Variants in CCDC171 observed in about 807,000 individuals in gnomAD.
The protein encoded by CCDC171 is coiled-coil domain-containing protein 171.
A neutral mutation model predicts 168.2 loss-of-function variants in CCDC171; 177 were observed. The observed-to-expected ratio is 1.05, with a 90% CI of 0.93 to 1.19. The LOEUF (loss-of-function observed/expected upper bound fraction) is 1.19, where lower values mean the gene tolerates loss of function less well. Ranked by LOEUF, CCDC171 falls within the 50% of genes most tolerant of loss-of-function variation. CCDC171 has a pLI of 0.00. For synonymous variants in CCDC171, 687 were observed against 540.8 expected (o/e 1.27, Z -3.75); for missense variants, 1,991 against 1,539.0 (o/e 1.29, Z -4.91).
At chr9:15,981,368 T>A (rs577925747) in intron 3 of CCDC171, among the ~76,000 whole-genome samples, 1 of 152,270 alleles carries the variant, frequency 6.6e-6, no homozygotes, top group Admixed American at 6.5e-5. Flanking sequence ...TAGGAAGGGA[T>A]CTCTTGTCAG....
upstream of CCDC171, among the ~76,000 whole-genome samples, chr9:16,039,966 G>A (rs573709727): frequency 2.0e-5 from 3 of 152,284 alleles, no homozygotes; most frequent in Admixed American, 2.0e-4. Flanking sequence ...CAGCATACAA[G>A]CTTATTTCTA....
chr9:15,889,621 C>G (rs1329458185), intron 24 of CCDC171, among the ~76,000 whole-genome samples: 1 of 152,164 alleles, frequency 6.6e-6, no homozygotes, highest in East Asian at 1.9e-4. Flanking sequence ...TGTTTGCAAA[C>G]TAAAGGCACA....
chr9:15,573,743 A>G (rs1022711955), intron 3 of CCDC171, among the ~76,000 whole-genome samples: 1 of 152,172 alleles, frequency 6.6e-6, no homozygotes, highest in South Asian at 2.1e-4. Context: ...TATTAGTGTG[A>G]TGATAATCAT....
At chr9:15,723,549 T>C (rs10810436) in intron 12 of CCDC171, 132 bp from the exon 13 acceptor site, 275,406 of 637,786 alleles carry the variant, frequency 0.43, 64,207 homozygotes, top group East Asian at 0.66. Context: ...TTAATTACTA[T>C]TGAAAAATTT....
At chr9:15,791,543 A>C (rs2058263086) in intron 21 of CCDC171, among the ~76,000 whole-genome samples, 1 of 152,246 alleles carries the variant, frequency 6.6e-6, no homozygotes, top group African/African-American at 2.4e-5. Flanking sequence ...ATCTGCAAAC[A>C]GGGACAATTT....
At chr9:15,791,878 A>G (rs1046219695) in intron 21 of CCDC171, among the ~76,000 whole-genome samples, 1 of 152,226 alleles carries the variant, frequency 6.6e-6, no homozygotes. Flanking sequence ...TAGGGAAAAA[A>G]CAGAGCAGAA....
At chr9:15,827,801 T>G (rs1036315155) in intron 21 of CCDC171, among the ~76,000 whole-genome samples, 3 of 152,154 alleles carry the variant, frequency 2.0e-5, no homozygotes, top group African/African-American at 7.2e-5. Context: ...GAGCCTTTAG[T>G]TTGTTGTAGC....
At chr9:16,045,198 G>C (rs1488748238) in intron 1 of CCDC171, among the ~76,000 whole-genome samples, 1 of 152,186 alleles carries the variant, frequency 6.6e-6, no homozygotes, top group Non-Finnish European at 1.5e-5. Context: ...ACAATGATTT[G>C]AGTGCAGTGG....
chr9:15,558,742 C>G (rs986004381), intron 1 of CCDC171, among the ~76,000 whole-genome samples: 1 of 152,068 alleles, frequency 6.6e-6, no homozygotes, highest in Non-Finnish European at 1.5e-5. Context: ...TTCAGTTCTG[C>G]TCTGATCTTA....
chr9:15,767,735 C>T (rs1228824526), intron 18 of CCDC171, among the ~76,000 whole-genome samples: 1 of 151,162 alleles, frequency 6.6e-6, no homozygotes, highest in African/African-American at 2.4e-5. Flanking sequence ...CATGATATTA[C>T]TCCTGTTTCT....
rs531316199 is a variant in CCDC171 at position 15,582,705 on chromosome 9, TCTCA to T, written c.352+3687_352+3690del. Among the ~76,000 whole-genome samples, 61 of 152,084 alleles carry T rather than the reference TCTCA, an allele frequency of 4.0e-4. 1 individual carries two copies. In the South Asian group the frequency reaches 6.4e-3, roughly 16 times the overall value. ...GAACAGAAAACCAAACAGCGCATGT[TCTCA>T]CTCATAAGTGGGAGTTGAACAGTGA... On this transcript the variant is annotated intron_variant, in intron 4 of 25. Coordinates refer to ENST00000380701, the MANE Select transcript of CCDC171 (RefSeq NM_173550.4).
chr9:16,064,445 G>A (rs1833970576), downstream of CCDC171, among the ~76,000 whole-genome samples: 1 of 152,200 alleles, frequency 6.6e-6, no homozygotes, highest in African/African-American at 2.4e-5. Context: ...GAAGACGCGA[G>A]AGGAGAAAAT....
At chr9:16,088,430 ATC>A in the CCDC171 span, among the ~76,000 whole-genome samples, 1 of 152,210 alleles carries the variant, frequency 6.6e-6, no homozygotes, top group Admixed American at 6.5e-5. Flanking sequence ...AAGTCAGATT[ATC>A]TCTGTTTGCA....
intron 21 of CCDC171, among the ~76,000 whole-genome samples, chr9:15,842,248 A>G (rs1023585549): frequency 2.6e-5 from 4 of 152,006 alleles, no homozygotes; most frequent in African/African-American, 7.2e-5. Context: ...TATAAAAGCA[A>G]TATCCCCTGG....
intron 11 of CCDC171, among the ~76,000 whole-genome samples, chr9:15,697,178 C>G (rs987881814): frequency 6.6e-6 from 1 of 152,194 alleles, no homozygotes; most frequent in African/African-American, 2.4e-5. Flanking sequence ...CCTCTGCTTC[C>G]TCTGCTCCAC....
chr9:15,897,281 T>C (rs1437415334), intron 24 of CCDC171, among the ~76,000 whole-genome samples: 2 of 122,752 alleles, frequency 1.6e-5, no homozygotes, highest in Non-Finnish European at 3.7e-5. Context: ...AGAAGTTGTT[T>C]TCCTTTTTTC....
At chr9:15,575,252 T>C (rs1188649960) in intron 3 of CCDC171, among the ~76,000 whole-genome samples, 2 of 149,040 alleles carry the variant, frequency 1.3e-5, no homozygotes, top group Non-Finnish European at 3.0e-5. Flanking sequence ...TGCAGCCTGG[T>C]CTCGAACTCC....
At chr9:15,879,931 C>G (rs977408623) in intron 24 of CCDC171, among the ~76,000 whole-genome samples, 2 of 152,138 alleles carry the variant, frequency 1.3e-5, no homozygotes, top group Admixed American at 6.6e-5. Flanking sequence ...CACTTTACCC[C>G]CTGCAAGACT....
At chr9:15,648,581 A>G (rs1042870149) in intron 7 of CCDC171, among the ~76,000 whole-genome samples, 4 of 152,206 alleles carry the variant, frequency 2.6e-5, no homozygotes, top group African/African-American at 9.7e-5. Context: ...TGCAAAAATC[A>G]CAAGCATTCT....
Sources: allele counts gnomAD v4.1 joint callset (sites outside exome capture counted in the v4.1 genomes callset), GRCh38; gene constraint gnomAD v4.1.1; transcripts MANE v1.5; gene names NCBI Gene and HGNC (gene_info 2026-07-23, HGNC 2026-07-21).